BPTF: variants seen among roughly 807,000 people sequenced by gnomAD.
The protein encoded by BPTF is nucleosome-remodeling factor subunit BPTF.
Under a neutral mutation model 292.5 loss-of-function variants are expected in BPTF, and 18 were observed. The ratio of observed to expected loss-of-function variants is 0.06; its 90% CI spans 0.04 to 0.09. The LOEUF is 0.09. Among genes scored for constraint, BPTF ranks in the 10% least tolerant of loss-of-function variants. The probability of loss-of-function intolerance (pLI) is 1.00; values close to 1 mark genes in which losing one functional copy is unlikely to be tolerated. For synonymous variants in BPTF, 1,225 were observed against 1,251.9 expected (o/e 0.98, Z 0.45); for missense variants, 2,726 against 3,498.7 (o/e 0.78, Z 5.57).
At chr17:67,913,256 C>A in intron 11 of BPTF, 69 bp downstream of exon 11, 2 of 1,483,164 alleles carry the variant, frequency 1.3e-6, no homozygotes, top group South Asian at 1.4e-5. Context: ...AAGAATATCT[C>A]ATTTTTAAAA....
chr17:67,931,531 G>C (rs187743790), intron 17 of BPTF, among the ~76,000 whole-genome samples: 4 of 152,102 alleles, frequency 2.6e-5, no homozygotes, highest in Admixed American at 6.5e-5. Context: ...AGAACATTTG[G>C]TTTCTGATCT....
chr17:67,877,749 G>A (rs2060135986), intron 4 of BPTF, among the ~76,000 whole-genome samples: 1 of 152,040 alleles, frequency 6.6e-6, no homozygotes, highest in Non-Finnish European at 1.5e-5. Context: ...CTTCCAAGTA[G>A]CTGAGACTAC....
Position 67,913,165 on chromosome 17 carries a change from C to G in BPTF, c.5281C>G (p.Pro1761Ala). 6.2e-7 allele frequency: 1 copy of G among 1,604,560 alleles called. No homozygotes were observed. The highest frequency in any genetic ancestry group is 8.5e-7 in the Non-Finnish European group (1 of 1,176,742). Residue 1761 changes from proline (P) to alanine (A), a missense_variant, in exon 11 of 28, where the codon CCG becomes GCG. By Grantham distance (27) the Pro-to-Ala change is conservative. Around this residue, in one of 22 missense-constraint regions of BPTF, gnomAD observed 36 missense variants for 34.7 expected, o/e 1.04. Transcript: ENST00000306378. ...LDIWPYPSPR[P>A]TFGITWRYRL... is the part of the protein sequence containing the mutation. ...TATATGGCCATATCCTTCTCCTAGA[C>G]CGACCTTTGGCATCACTTGGAGGTA...
intron 23 of BPTF, among the ~76,000 whole-genome samples, chr17:67,950,374 A>G (rs548077714): frequency 6.6e-6 from 1 of 152,276 alleles, no homozygotes; most frequent in South Asian, 2.1e-4. Context: ...CAGAAACCAG[A>G]AACCCCAGTG....
chr17:67,833,468 G>C (rs1302537601), intron 1 of BPTF, among the ~76,000 whole-genome samples: 4 of 152,052 alleles, frequency 2.6e-5, no homozygotes, highest in African/African-American at 7.2e-5. Flanking sequence ...TAATGCTGCT[G>C]AGCACATTCG....
At chr17:67,959,172 G>C (rs1314172222) in intron 23 of BPTF, among the ~76,000 whole-genome samples, 1 of 152,090 alleles carries the variant, frequency 6.6e-6, no homozygotes, top group African/African-American at 2.4e-5. Context: ...AGAGCAACTA[G>C]AAGAAAGCAG....
At chr17:67,923,081 G>T (rs1369025881) in intron 14 of BPTF, 91 bp downstream of exon 14, 3 of 1,357,400 alleles carry the variant, frequency 2.2e-6, no homozygotes, top group Admixed American at 2.3e-5. Flanking sequence ...TTTGAGACAG[G>T]ATCTTGCTCT....
chr17:67,954,490 CTGCCT>C (rs1443916317), intron 23 of BPTF, among the ~76,000 whole-genome samples: 3 of 152,194 alleles, frequency 2.0e-5, no homozygotes, highest in Admixed American at 2.0e-4. Flanking sequence ...GCTCTTATCA[CTGCCT>C]CACACACAGC....
intron 18 of BPTF, among the ~76,000 whole-genome samples, chr17:67,932,508 C>T (rs2064489571): frequency 6.6e-6 from 1 of 152,162 alleles, no homozygotes; most frequent in African/African-American, 2.4e-5. Flanking sequence ...ACCAGCCTGG[C>T]CAACATGGCA....
intron 4 of BPTF, chr17:67,886,257 A>T: frequency 6.8e-6 from 11 of 1,614,070 alleles, no homozygotes; most frequent in Non-Finnish European, 9.3e-6. Context: ...AAGGCAGCTG[A>T]TGATCCTGAA....
intron 1 of BPTF, among the ~76,000 whole-genome samples, chr17:67,840,626 A>G (rs7224420): frequency 0.02 from 2,947 of 150,928 alleles, 85 homozygotes; most frequent in African/African-American, 0.067. Context: ...ATCTTGGCTC[A>G]CTGGAGCCCG....
At chr17:67,872,387 T>C (rs1674487306) in intron 3 of BPTF, among the ~76,000 whole-genome samples, 1 of 152,118 alleles carries the variant, frequency 6.6e-6, no homozygotes, top group African/African-American at 2.4e-5. Context: ...GGATGTACAA[T>C]GATTTGGTTA....
intron 23 of BPTF, 119 bp from the exon 24 acceptor site, chr17:67,959,422 C>CA: frequency 4.1e-6 from 3 of 734,118 alleles, no homozygotes; most frequent in Non-Finnish European, 6.1e-6. Flanking sequence ...CTAAAACTCT[C>CA]ACGTTAGGCT....
At chr17:67,961,713 C>G (rs1196035502) in intron 24 of BPTF, among the ~76,000 whole-genome samples, 15 of 152,098 alleles carry the variant, frequency 9.9e-5, no homozygotes, top group African/African-American at 3.6e-4. Flanking sequence ...GTGGCTAATG[C>G]CTGTAATCCC....
intron 23 of BPTF, 70 bp from the exon 24 acceptor site, chr17:67,959,471 C>A: frequency 7.9e-7 from 1 of 1,263,704 alleles, no homozygotes; most frequent in Non-Finnish European, 1.1e-6. Flanking sequence ...GGTAGTGTAC[C>A]ATCTTCTGGC....
intron 1 of BPTF, among the ~76,000 whole-genome samples, chr17:67,846,081 T>C (rs1261622434): frequency 6.6e-6 from 1 of 152,234 alleles, no homozygotes. Flanking sequence ...TAACATTCAC[T>C]AGTGGTTGAT....
chr17:67,954,863 A>G (rs1169049969), intron 23 of BPTF, among the ~76,000 whole-genome samples: 1 of 152,198 alleles, frequency 6.6e-6, no homozygotes, highest in Admixed American at 6.5e-5. Context: ...CTCTCTATAA[A>G]TAGAGAAGGG....
At chr17:67,840,410 A>G (rs977262906) in intron 1 of BPTF, among the ~76,000 whole-genome samples, 18 of 150,784 alleles carry the variant, frequency 1.2e-4, no homozygotes, top group African/African-American at 3.7e-4. Context: ...CCTGGCCAAG[A>G]TACCAAAATC....
chr17:67,890,770 A>C (rs2061057732), intron 4 of BPTF, among the ~76,000 whole-genome samples: 1 of 152,250 alleles, frequency 6.6e-6, no homozygotes, highest in Admixed American at 6.5e-5. Context: ...ATGCATAGCC[A>C]GTTTTCCCAA....
Sources: gnomAD v4.1 joint callset for allele counts (sites outside exome capture counted in the v4.1 genomes callset) on GRCh38, gnomAD v4.1.1 for gene constraint, gnomAD v4.1.1 regional missense constraint, MANE v1.5 for transcripts, NCBI Gene and HGNC (gene_info 2026-07-23, HGNC 2026-07-21) for gene names.